Variants in PCDHGB1 observed in about 807,000 individuals in gnomAD.
PCDHGB1 encodes protocadherin gamma subfamily B, 1.
Under a neutral mutation model 56.6 loss-of-function variants are expected in PCDHGB1, and 34 were observed. That is an observed-to-expected ratio of 0.60 (90% CI 0.46 to 0.80). PCDHGB1 has a LOEUF of 0.80. PCDHGB1 is among the 30% of genes least tolerant of loss of function. The pLI, the probability that PCDHGB1 is intolerant of heterozygous loss-of-function variation, is 0.00. For missense variants in PCDHGB1, 1,278 were observed against 1,204.6 expected (o/e 1.06, Z -0.90); for synonymous variants, 561 against 505.9 (o/e 1.11, Z -1.46).
intron 1 of PCDHGB1, among the ~76,000 whole-genome samples, chr5:141,457,387 T>A (rs530736201): frequency 2.0e-5 from 3 of 152,340 alleles, no homozygotes; most frequent in Non-Finnish European, 2.9e-5. Context: ...AGAACTAGCA[T>A]ATTGATTCAC....
chr5:141,374,769 T>C, intron 1 of PCDHGB1: 1 of 1,613,762 alleles, frequency 6.2e-7, no homozygotes. Context: ...GCCCAAATTC[T>C]GGTAACAGTT....
rs1364068033 is a variant in PCDHGB1 at position 141,490,353 on chromosome 5, G to A, written c.2410-4454G>A. 3.1e-6 allele frequency: 5 copies of A among 1,614,090 alleles called. No individual in the cohort carries two copies. The highest frequency in any genetic ancestry group is 4.2e-6 in the Non-Finnish European group (5 of 1,180,046). On this transcript the variant is annotated intron_variant, in intron 1 of 3. Transcript: ENST00000523390. This position sits in a 1 kb window ranked among gnomAD's most constrained non-coding sequence, Gnocchi z 5.4. ...CACCAGTGGGCACAGTAGTGGGGTT[G>A]TTTAATGTGCGAGACCGGGACTCAG...
intron 1 of PCDHGB1, chr5:141,389,665 C>A (rs1258802999): frequency 6.2e-7 from 1 of 1,612,414 alleles, no homozygotes; most frequent in East Asian, 2.2e-5. Context: ...GCGGTGGACG[C>A]AGACTCAGGA....
At chr5:141,367,958 C>A (rs1349298389) in intron 1 of PCDHGB1, among the ~76,000 whole-genome samples, 1 of 152,088 alleles carries the variant, frequency 6.6e-6, no homozygotes, top group African/African-American at 2.4e-5. Flanking sequence ...AATTTCATAT[C>A]TAACGTATGT....
rs543908773 is a variant in PCDHGB1, at chr5:141,400,145, A to G, written c.2409+47476A>G. ...CAGGAGGTGCTGCCGGATATCACTG[A>G]CCGCCCTGTACCCTCTGACCCCCAG... On this transcript the variant is annotated intron_variant, in intron 1 of 3. Coordinates refer to ENST00000523390, the MANE Select transcript of PCDHGB1 (RefSeq NM_018922.3). The G allele has an allele frequency of 4.1e-5, 66 of 1,613,312 alleles. No individual in the cohort carries two copies. The South Asian group carries it at 5.4e-4, about 13-fold the overall frequency.
chr5:141,431,839 T>A lies in PCDHGB1; in HGVS notation c.2410-62968T>A. The A allele has an allele frequency of 1.2e-6, 2 of 1,614,198 alleles. No individual in the cohort carries two copies. The highest frequency in any genetic ancestry group is 1.7e-6 in the Non-Finnish European group (2 of 1,180,028). The stretch of plus-strand genomic sequence containing the variant: ...TCGCCAGCTCGGTTCCCGAAAACTC[T>A]CCCAGAGGGACATTAATTGCCCTTT... On this transcript the variant is annotated intron_variant, in intron 1 of 3. Coordinates refer to ENST00000523390, the MANE Select transcript of PCDHGB1 (RefSeq NM_018922.3). This position sits in a 1 kb window ranked among gnomAD's most constrained non-coding sequence, Gnocchi z 4.8.
At chr5:141,415,791 C>G (rs2095959265) in intron 1 of PCDHGB1, 4 of 1,341,886 alleles carry the variant, frequency 3.0e-6, no homozygotes, top group Admixed American at 8.1e-5. Context: ...GTAAAATTCA[C>G]CTAGTCTCAA....
chr5:141,403,434 A>G, intron 1 of PCDHGB1: 1 of 1,614,024 alleles, frequency 6.2e-7, no homozygotes, highest in Non-Finnish European at 8.5e-7. Flanking sequence ...ATTGATCCGG[A>G]TGTTGGCGTG....
chr5:141,390,665 T>C, intron 1 of PCDHGB1: 1 of 192,900 alleles, frequency 5.2e-6, no homozygotes, highest in Non-Finnish European at 1.1e-5. Context: ...ACCATAAATA[T>C]AAAAATAATA....
intron 1 of PCDHGB1, among the ~76,000 whole-genome samples, chr5:141,465,545 C>T (rs2099105349): frequency 6.6e-6 from 1 of 152,146 alleles, no homozygotes; most frequent in South Asian, 2.1e-4. Context: ...GGCATTTTTT[C>T]TGCTGAAGCT....
chr5:141,419,264 G>T (rs2096351955), intron 1 of PCDHGB1: 1 of 1,614,036 alleles, frequency 6.2e-7, no homozygotes, highest in Non-Finnish European at 8.5e-7. Context: ...CCAGCCGGGT[G>T]CCTCCATAGC....
chr5:141,369,901 T>G (rs1766552570), intron 1 of PCDHGB1, among the ~76,000 whole-genome samples: 1 of 152,190 alleles, frequency 6.6e-6, no homozygotes, highest in Admixed American at 6.5e-5. Context: ...TTATGACCAT[T>G]TTATGAAAAT....
chr5:141,449,067 T>A lies in PCDHGB1; in HGVS notation c.2410-45740T>A, dbSNP rs547833131. On this transcript the variant is annotated intron_variant, in intron 1 of 3. Transcript: ENST00000523390. ...AGTCTCATAAATGAGCGCTATTGAA[T>A]AGCCCTGTACCTACATCAGTTTTTA... Among the ~76,000 whole-genome samples the A allele has an allele frequency of 3.3e-5, 5 of 152,342 alleles. No homozygotes were observed. In the East Asian group the frequency reaches 9.6e-4, roughly 29 times the overall value.
intron 1 of PCDHGB1, chr5:141,395,029 AT>A: frequency 6.2e-7 from 1 of 1,613,976 alleles, no homozygotes. Context: ...CCTGCCTCAC[AT>A]TTTGTGGGTG....
At chr5:141,410,216 C>T in intron 1 of PCDHGB1, 1 of 1,614,002 alleles carries the variant, frequency 6.2e-7, no homozygotes, top group Non-Finnish European at 8.5e-7. Flanking sequence ...GCAAGAGATA[C>T]TGCCAGACCT....
Position 141,351,693 on chromosome 5 carries a change from G to A in PCDHGB1, c.1433G>A (p.Gly478Glu). 6.2e-7 allele frequency: 1 copy of A among 1,613,954 alleles called. No individual in the cohort carries two copies. The highest frequency in any genetic ancestry group is 1.6e-4 in the Middle Eastern group (1 of 6,062). ...GTAAGCGCCTCCGACCCGGATTTGG[G>A]ACCCAACGGCAGAGTCTCCTACTCT... is the stretch of plus-strand genomic sequence containing the variant. ...AQVSASDPDL[G>E]PNGRVSYSIL... Residue 478 changes from glycine (G) to glutamate (E), a missense_variant, in exon 1 of 4, where the codon GGA becomes GAA. Coordinates refer to ENST00000523390, the MANE Select transcript of PCDHGB1 (RefSeq NM_018922.3).
At chr5:141,364,811 G>A (rs1239930592) in intron 1 of PCDHGB1, 1 of 1,613,902 alleles carries the variant, frequency 6.2e-7, no homozygotes, top group Non-Finnish European at 8.5e-7. Context: ...GCGGGATGCG[G>A]ATGTGGGTGT....
chr5:141,478,822 T>A, intron 1 of PCDHGB1: 2 of 1,444,070 alleles, frequency 1.4e-6, no homozygotes, highest in South Asian at 1.5e-5. Context: ...AACTAACCAA[T>A]CTTGCTAAGG....
At chr5:141,376,685 T>TTTTGTTTTG (rs945381584) in intron 1 of PCDHGB1, 1 of 813,646 alleles carries the variant, frequency 1.2e-6, no homozygotes, top group African/African-American at 1.9e-5. Flanking sequence ...CGTTTTTTTT[T>TTTTGTTTTG]TTTTTTTTTT....
Sources: gnomAD v4.1 joint callset for allele counts (sites outside exome capture counted in the v4.1 genomes callset) on GRCh38, gnomAD v4.1.1 for gene constraint, Gnocchi (gnomAD v3.1) non-coding constraint, MANE v1.5 for transcripts, NCBI Gene and HGNC (gene_info 2026-07-23, HGNC 2026-07-21) for gene names.